The following THRB variants were observed in gnomAD, a reference collection of about 807,000 sequenced individuals.
THRB encodes the protein nuclear receptor subfamily 1 group A member 2.
A neutral mutation model predicts 47.8 loss-of-function variants in THRB; 12 were observed. That is an observed-to-expected ratio of 0.25 (90% CI 0.16 to 0.41). The LOEUF (loss-of-function observed/expected upper bound fraction) is 0.41, where lower values mean the gene tolerates loss of function less well. Ranked by LOEUF, THRB falls within the 10% of genes least tolerant of loss-of-function variation. THRB has a pLI of 1.00. For synonymous variants in THRB, 218 were observed against 212.2 expected (o/e 1.03, Z -0.24); for missense variants, 348 against 589.2 (o/e 0.59, Z 4.24).
At chr3:24,461,033 G>A (rs1219707085) in intron 1 of THRB, among the ~76,000 whole-genome samples, 1 of 152,172 alleles carries the variant, frequency 6.6e-6, no homozygotes. Context: ...ATTCAAAACT[G>A]TATACATGTT....
intron 1 of THRB, among the ~76,000 whole-genome samples, chr3:24,365,096 C>A (rs2064359684): frequency 6.6e-6 from 1 of 152,110 alleles, no homozygotes; most frequent in African/African-American, 2.4e-5. Context: ...TTTCTAAACC[C>A]TGTGTTTATA....
intron 3 of THRB, among the ~76,000 whole-genome samples, chr3:24,239,485 T>A (rs1250396654): frequency 2.0e-5 from 3 of 152,098 alleles, no homozygotes; most frequent in Admixed American, 6.6e-5. Context: ...ATTTACATCA[T>A]CATTATTATT....
chr3:24,256,678 G>A (rs962339814), intron 3 of THRB, among the ~76,000 whole-genome samples: 3 of 152,174 alleles, frequency 2.0e-5, no homozygotes, highest in Admixed American at 6.5e-5. Flanking sequence ...GAGGAAGGGA[G>A]GATGGACACA....
At chr3:24,295,876 C>T (rs1260199126) in intron 3 of THRB, among the ~76,000 whole-genome samples, 1 of 152,218 alleles carries the variant, frequency 6.6e-6, no homozygotes, top group Non-Finnish European at 1.5e-5. Flanking sequence ...TGTCAATGCT[C>T]TACATCTGCA....
chr3:24,307,191 T>TG (rs2057411864), intron 2 of THRB, among the ~76,000 whole-genome samples: 1 of 152,070 alleles, frequency 6.6e-6, no homozygotes, highest in South Asian at 2.1e-4. Context: ...GAACACTATC[T>TG]GAAACCATGA....
At chr3:24,391,675 T>A (rs2149982121) in intron 1 of THRB, among the ~76,000 whole-genome samples, 1 of 152,276 alleles carries the variant, frequency 6.6e-6, no homozygotes, top group Non-Finnish European at 1.5e-5. Context: ...TTATTCTGTT[T>A]ACTCCTCTTT....
intron 1 of THRB, among the ~76,000 whole-genome samples, chr3:24,463,238 C>A (rs2073850542): frequency 1.3e-5 from 2 of 152,128 alleles, no homozygotes; most frequent in Admixed American, 1.3e-4. Flanking sequence ...TTTCTCTTCA[C>A]ACCATCTCAT....
At chr3:24,264,155 C>G (rs966975530) in intron 3 of THRB, among the ~76,000 whole-genome samples, 1 of 152,186 alleles carries the variant, frequency 6.6e-6, no homozygotes, top group Non-Finnish European at 1.5e-5. Context: ...TCCTCACTCA[C>G]TCCATTCTAG....
At chr3:24,365,392 C>T (rs761649554) in intron 1 of THRB, among the ~76,000 whole-genome samples, 1 of 152,144 alleles carries the variant, frequency 6.6e-6, no homozygotes, top group Non-Finnish European at 1.5e-5. Flanking sequence ...TGTCACTGGA[C>T]TTTATAAAAA....
intron 3 of THRB, among the ~76,000 whole-genome samples, chr3:24,279,693 C>A (rs946052810): frequency 1.3e-5 from 2 of 152,114 alleles, no homozygotes; most frequent in Admixed American, 6.5e-5. Context: ...CCGTGCCCGG[C>A]CAAATGCAAT....
chr3:24,195,847 G>A (rs1000594563), intron 4 of THRB, among the ~76,000 whole-genome samples: 1 of 152,170 alleles, frequency 6.6e-6, no homozygotes, highest in Admixed American at 6.5e-5. Context: ...CTGTCATTGA[G>A]GTTTGAGGGA....
chr3:24,448,618 T>G (rs1318082587), intron 1 of THRB, among the ~76,000 whole-genome samples: 1 of 152,160 alleles, frequency 6.6e-6, no homozygotes, highest in Non-Finnish European at 1.5e-5. Flanking sequence ...AAGTTCATTC[T>G]CTGAACATAA....
intron 3 of THRB, among the ~76,000 whole-genome samples, chr3:24,255,068 A>T (rs1303137231): frequency 1.3e-5 from 2 of 152,242 alleles, no homozygotes; most frequent in Non-Finnish European, 1.5e-5. Context: ...TGAGACATCC[A>T]CCAAGATATA....
intron 4 of THRB, among the ~76,000 whole-genome samples, chr3:24,212,400 A>C (rs2046131087): frequency 6.6e-6 from 1 of 151,260 alleles, no homozygotes; most frequent in Non-Finnish European, 1.5e-5. Flanking sequence ...TCCGTCTCAA[A>C]ACAACAAAAT....
rs2030879348 is a variant in THRB, at chr3:24,117,494, G to A, written c.*5390C>T. On this transcript the variant is annotated 3_prime_UTR_variant, in exon 11 of 11. Transcript: ENST00000646209. ...CACCACAGTGATTGGCTCAGGAATG[G>A]GCACATGACTGAACTTGGGCCAGTG... 1 of 152,200 alleles carries A rather than the reference G, an allele frequency of 6.6e-6. No individual in the cohort carries two copies. The highest frequency in any genetic ancestry group is 1.5e-5 in the Non-Finnish European group (1 of 68,054). 9.4% of individuals were successfully genotyped at this position (152,200 alleles called of 1,614,324 possible). A position where few individuals can be genotyped will look rare whatever the true frequency, so the allele number is the denominator to read the frequency against.
intron 5 of THRB, among the ~76,000 whole-genome samples, chr3:24,182,810 C>T (rs142536280): frequency 8.5e-5 from 13 of 152,328 alleles, no homozygotes; most frequent in African/African-American, 1.9e-4. Context: ...TAAGTAGATA[C>T]GTGCTGACCT....
intron 1 of THRB, among the ~76,000 whole-genome samples, chr3:24,341,231 CTTT>C (rs5847287): frequency 2.9e-5 from 3 of 104,044 alleles, no homozygotes; most frequent in Admixed American, 1.2e-4. Context: ...ATGAGATTAC[CTTT>C]TTTTTTTTTT....
In THRB at chr3:24,357,346, C is replaced by CAAAA. The variant is rs781709724; in HGVS notation, c.-260-19979_-260-19976dup. ...CCAGGACTGGAATCCTTGTCTCTCC[C>CAAAA]AAAAAAAAAAAAAAAAAAAAAAAAA... On this transcript the variant is annotated intron_variant, in intron 1 of 10. Coordinates refer to ENST00000646209, the MANE Select transcript of THRB (RefSeq NM_001354712.2). Among the ~76,000 whole-genome samples, 196 of 28,712 alleles carry CAAAA rather than the reference C, an allele frequency of 6.8e-3. 14 individuals carry two copies. The highest frequency in any genetic ancestry group is 9.1e-3 in the Non-Finnish European group (141 of 15,454). 18.8% of individuals were successfully genotyped at this position (28,712 alleles called of 152,430 possible).
chr3:24,490,076 T>C (rs1865711), intron 1 of THRB, among the ~76,000 whole-genome samples: 8,810 of 152,214 alleles, frequency 0.058, 416 homozygotes, highest in African/African-American at 0.12. Flanking sequence ...ACAGGTATAC[T>C]CATCTCATCA....
Sources: gnomAD v4.1 joint callset for allele counts (sites outside exome capture counted in the v4.1 genomes callset) on GRCh38, gnomAD v4.1.1 for gene constraint, MANE v1.5 for transcripts, NCBI Gene and HGNC (gene_info 2026-07-23, HGNC 2026-07-21) for gene names.